Variants in ATP11A observed in about 807,000 individuals in gnomAD.
The protein encoded by ATP11A is ATPase phospholipid transporting 11A.
Under a neutral mutation model 154.4 loss-of-function variants are expected in ATP11A, and 81 were observed. The observed-to-expected ratio is 0.52, with a 90% CI of 0.44 to 0.63. The LOEUF is 0.63. ATP11A is among the 30% of genes least tolerant of loss of function. ATP11A has a pLI of 0.00. For missense variants in ATP11A, 1,316 were observed against 1,474.3 expected (o/e 0.89, Z 1.76); for synonymous variants, 623 against 585.9 (o/e 1.06, Z -0.91).
intron 1 of ATP11A, among the ~76,000 whole-genome samples, chr13:112,717,922 CA>C (rs1888665726): frequency 6.6e-6 from 1 of 152,108 alleles, no homozygotes; most frequent in Non-Finnish European, 1.5e-5. Context: ...ACTAAAAATA[CA>C]AAAATTAGCT....
At chr13:112,756,989 T>TC (rs2076856511) in intron 1 of ATP11A, among the ~76,000 whole-genome samples, 1 of 151,724 alleles carries the variant, frequency 6.6e-6, no homozygotes, top group Admixed American at 6.6e-5. Context: ...TACAAAATGA[T>TC]CATATTTGAA....
rs9603953 is a variant in ATP11A, at chr13:112,802,349, A to C, written c.163-2608A>C. ...CAACAGAGCGAGACTCCGTCTCACA[A>C]AAAAAAAAGAAAAGAATAGACAAAT... On this transcript the variant is annotated intron_variant, in intron 2 of 29. Coordinates refer to ENST00000375645, the MANE Select transcript of ATP11A (RefSeq NM_015205.3). Among the ~76,000 whole-genome samples, 768 of 150,764 alleles carry C rather than the reference A, an allele frequency of 5.1e-3. 7 individuals are homozygous for C. The highest frequency in any genetic ancestry group is 0.017 in the African/African-American group (716 of 41,198).
At chr13:112,874,185 A>T (rs9549593) in intron 27 of ATP11A, among the ~76,000 whole-genome samples, 1 of 151,606 alleles carries the variant, frequency 6.6e-6, no homozygotes, top group Admixed American at 6.6e-5. Flanking sequence ...AGCCTGACTC[A>T]TCGGGGAGCC....
Position 112,842,321 on chromosome 13 carries a change from C to A in ATP11A, c.1751C>A (p.Pro584His), listed in dbSNP as rs1482243249. Reference sequence around the variant, plus strand: ...AAAGGAGCAGATTCTTCGATATTCCCCCGAGTGATAGAAGGCAAAGTTGAC... The same window carrying A: ...AAAGGAGCAGATTCTTCGATATTCCACCGAGTGATAGAAGGCAAAGTTGAC... ...FCKGADSSIF[P>H]RVIEGKVDQI... Residue 584 changes from proline (P) to histidine (H), a missense_variant, in exon 17 of 30, where the codon CCC becomes CAC. Coordinates refer to ENST00000375645, the MANE Select transcript of ATP11A (RefSeq NM_015205.3). The A allele has an allele frequency of 2.5e-6, 4 of 1,611,976 alleles. No homozygotes were observed. Among genetic ancestry groups the A allele is most frequent in the Non-Finnish European group, 3.4e-6 (4 of 1,179,084 alleles).
chr13:112,847,105 G>A (rs768418624), intron 17 of ATP11A, among the ~76,000 whole-genome samples: 4 of 152,190 alleles, frequency 2.6e-5, no homozygotes, highest in African/African-American at 4.8e-5. Flanking sequence ...CACTGGCTCC[G>A]GCTACGTTCC....
intron 1 of ATP11A, among the ~76,000 whole-genome samples, chr13:112,752,110 T>A (rs2076706893): frequency 6.6e-6 from 1 of 152,202 alleles, no homozygotes. Flanking sequence ...GTTAGGAAAT[T>A]AGGATGTTTC....
At chr13:112,751,738 C>T (rs539600347) in intron 1 of ATP11A, among the ~76,000 whole-genome samples, 13 of 151,972 alleles carry the variant, frequency 8.6e-5, no homozygotes, top group Admixed American at 7.2e-4. Flanking sequence ...AATCCCCCCC[C>T]CCTTTTTTTG....
chr13:112,784,524 T>C (rs2140024574), intron 1 of ATP11A, among the ~76,000 whole-genome samples: 1 of 150,694 alleles, frequency 6.6e-6, no homozygotes, highest in South Asian at 2.1e-4. Flanking sequence ...ACACGTTCTG[T>C]TCTTTTTTTT....
chr13:112,875,769 C>T lies in ATP11A; in HGVS notation c.3162-7C>T, dbSNP rs779772540. The T allele has an allele frequency of 1.2e-6, 2 of 1,612,024 alleles. No individual in the cohort carries two copies. Among genetic ancestry groups the T allele is most frequent in the South Asian group, 2.2e-5 (2 of 90,984 alleles). On this transcript the variant is annotated splice_polypyrimidine_tract_variant and splice_region_variant and intron_variant, in intron 27 of 29. Coordinates refer to ENST00000375645, the MANE Select transcript of ATP11A (RefSeq NM_015205.3). The surrounding 1 kb of genome is among the most constrained non-coding windows in gnomAD (Gnocchi z 4.1). The stretch of plus-strand genomic sequence containing the variant: ...CTCACCAGCGGCTTCTCTTCCCTGC[C>T]CCTCAGGCCGTTCCTCAACTACCAG...
chr13:112,871,621 G>C (rs1032098683), intron 25 of ATP11A, 114 bp from the exon 26 acceptor site: 1 of 968,168 alleles, frequency 1.0e-6, no homozygotes, highest in African/African-American at 1.6e-5. Flanking sequence ...TATCTTTGGG[G>C]TTTGAAGTGT....
intron 2 of ATP11A, among the ~76,000 whole-genome samples, chr13:112,803,549 C>G (rs2078194360): frequency 6.6e-6 from 1 of 151,466 alleles, no homozygotes; most frequent in Admixed American, 6.6e-5. Context: ...ATTTCAGAAA[C>G]TATTTCCAAA....
chr13:112,790,267 T>G lies in ATP11A; in HGVS notation c.162+5010T>G, dbSNP rs369468768. Among the ~76,000 whole-genome samples, 37 of 152,046 alleles carry G rather than the reference T, an allele frequency of 2.4e-4. No homozygotes were observed. In the South Asian group the frequency reaches 7.5e-3, roughly 31 times the overall value. ...TTAATTCACACCCGGCATCTTGACATGTAGACTCCTATGTAGACATACTTA... is the reference window on the plus strand; with the variant it reads ...TTAATTCACACCCGGCATCTTGACAGGTAGACTCCTATGTAGACATACTTA... On this transcript the variant is annotated intron_variant, in intron 2 of 29. Transcript: ENST00000375645.
At chr13:112,725,253 T>G (rs1889706289) in intron 1 of ATP11A, among the ~76,000 whole-genome samples, 1 of 152,184 alleles carries the variant, frequency 6.6e-6, no homozygotes, top group South Asian at 2.1e-4. Context: ...TGATACGATG[T>G]GGACCTCCCA....
intron 17 of ATP11A, among the ~76,000 whole-genome samples, chr13:112,842,812 A>G (rs1398355843): frequency 3.3e-5 from 5 of 152,234 alleles, no homozygotes; most frequent in Admixed American, 2.6e-4. Context: ...TTCTTTCCCC[A>G]TCTGGGTCTT....
chr13:112,865,271 C>T (rs1157008294), intron 25 of ATP11A, among the ~76,000 whole-genome samples: 4 of 150,324 alleles, frequency 2.7e-5, no homozygotes, highest in Non-Finnish European at 5.9e-5. Flanking sequence ...GCGGCCCATG[C>T]AGCTTCCCAG....
chr13:112,821,312 A>ATATTT (rs1461882877), intron 8 of ATP11A, among the ~76,000 whole-genome samples: 6 of 152,010 alleles, frequency 3.9e-5, no homozygotes, highest in Non-Finnish European at 8.8e-5. Context: ...TTTATTTTAT[A>ATATTT]TATTTTATTT....
intron 1 of ATP11A, among the ~76,000 whole-genome samples, chr13:112,728,003 C>G (rs1890063125): frequency 6.6e-6 from 1 of 152,180 alleles, no homozygotes; most frequent in South Asian, 2.1e-4. Flanking sequence ...GGAAAAACAC[C>G]CCTTTTTCAT....
intron 8 of ATP11A, among the ~76,000 whole-genome samples, chr13:112,822,465 C>T (rs527295655): frequency 2.7e-4 from 41 of 152,150 alleles, no homozygotes; most frequent in Admixed American, 1.6e-3. Flanking sequence ...TTTACATGTC[C>T]CCCCCATTCA....
At chr13:112,810,517 T>C (rs2078460417) in intron 4 of ATP11A, 102 bp from the exon 5 acceptor site, 4 of 954,382 alleles carry the variant, frequency 4.2e-6, no homozygotes, top group Non-Finnish European at 5.0e-6. Flanking sequence ...GCTTGGATTA[T>C]GCTTAGACAT....
Sources: allele counts gnomAD v4.1 joint callset (sites outside exome capture counted in the v4.1 genomes callset), GRCh38; gene constraint gnomAD v4.1.1; non-coding constraint Gnocchi (gnomAD v3.1); transcripts MANE v1.5; gene names NCBI Gene and HGNC (gene_info 2026-07-23, HGNC 2026-07-21).